Variants in AKT1 observed in about 807,000 individuals in gnomAD.
The protein encoded by AKT1 is RAC-alpha serine/threonine-protein kinase.
Under a neutral mutation model 63.1 loss-of-function variants are expected in AKT1, and 21 were observed. That is an observed-to-expected ratio of 0.33 (90% CI 0.24 to 0.48). The LOEUF (loss-of-function observed/expected upper bound fraction) is 0.48. Among genes scored for constraint, AKT1 ranks in the 20% least tolerant of loss-of-function variants. The pLI, the probability that AKT1 is intolerant of heterozygous loss-of-function variation, is 0.99. For synonymous variants in AKT1, 257 were observed against 253.1 expected (o/e 1.02, Z -0.15); for missense variants, 382 against 666.0 (o/e 0.57, Z 4.69).
At chr14:104,777,241 C>A in intron 4 of AKT1, 1 of 214,874 alleles carries the variant, frequency 4.7e-6, no homozygotes, top group South Asian at 5.0e-5. Flanking sequence ...ACACCCACAC[C>A]TGGGGCACAC....
intron 3 of AKT1, among the ~76,000 whole-genome samples, chr14:104,789,811 G>A (rs973125151): frequency 5.9e-5 from 9 of 152,174 alleles, no homozygotes; most frequent in Non-Finnish European, 7.3e-5. Context: ...TCACCCTCCA[G>A]GAACCATCTC....
chr14:104,772,254 CCTGAG>C lies in AKT1; in HGVS notation c.1260+106_1260+110del, dbSNP rs55839843. The C allele has an allele frequency of 0.35, 421,224 of 1,211,390 alleles. 75,388 individuals are homozygous for C. The highest frequency in any genetic ancestry group is 0.58 in the East Asian group (24,671 of 42,728). 75.0% of individuals were successfully genotyped at this position (1,211,390 alleles called of 1,614,324 possible). On this transcript the variant is annotated intron_variant, in intron 13 of 14. Transcript: ENST00000649815. ...CCTTGTACCAGGACTGCAGCAGGCT[CCTGAG>C]GTGAGGGCGAGTGTGTGGGAAATCT...
At chr14:104,778,884 C>T (rs1246864571) in intron 4 of AKT1, among the ~76,000 whole-genome samples, 1 of 152,192 alleles carries the variant, frequency 6.6e-6, no homozygotes, top group Non-Finnish European at 1.5e-5. Flanking sequence ...TGGTGGGCAC[C>T]TCGCTCTGCA....
At chr14:104,777,821 G>C (rs868677760) in intron 4 of AKT1, 3 of 633,912 alleles carry the variant, frequency 4.7e-6, no homozygotes, top group Non-Finnish European at 5.9e-6. Flanking sequence ...GGGGCCAGGA[G>C]GGGGCTCGGG....
intron 3 of AKT1, among the ~76,000 whole-genome samples, 172 bp downstream of exon 3, chr14:104,792,426 T>C (rs1045032779): frequency 1.3e-5 from 2 of 151,962 alleles, no homozygotes; most frequent in African/African-American, 4.8e-5. Context: ...CCCGAGGCCG[T>C]GCCCTCCATG....
chr14:104,786,828 C>A (rs923117434), intron 3 of AKT1, among the ~76,000 whole-genome samples: 1 of 152,026 alleles, frequency 6.6e-6, no homozygotes, highest in African/African-American at 2.4e-5. Context: ...CGTCTCCGCG[C>A]CCTACACCTG....
Position 104,769,478 on chromosome 14 carries a change from A to T in AKT1, c.*863T>A, listed in dbSNP as rs936673159. 6.0e-6 allele frequency: 3 copies of T among 502,022 alleles called. No individual in the cohort carries two copies. Among genetic ancestry groups the T allele is most frequent in the Non-Finnish European group, 1.1e-5 (3 of 263,222 alleles). 31.1% of individuals were successfully genotyped at this position (502,022 alleles called of 1,614,324 possible). On this transcript the variant is annotated 3_prime_UTR_variant, in exon 15 of 15. Coordinates refer to ENST00000649815, the MANE Select transcript of AKT1 (RefSeq NM_001382430.1). ...GCGGCAGCGGCAGCGTCTGGCCAGG[A>T]GGCGTGGAGGGGCCCAGGGATGGCC...
chr14:104,777,568 C>A, intron 4 of AKT1: 1 of 1,010,866 alleles, frequency 9.9e-7, no homozygotes, highest in Non-Finnish European at 1.2e-6. Flanking sequence ...GGAACACATA[C>A]CTGGGGCACA....
chr14:104,774,112 C>T (rs1331777514), intron 8 of AKT1, 132 bp from the exon 9 acceptor site: 2 of 803,624 alleles, frequency 2.5e-6, no homozygotes, highest in Non-Finnish European at 4.2e-6. Flanking sequence ...ACCACACTGC[C>T]CGACACCACG....
At chr14:104,784,782 T>A (rs1203246918) in intron 3 of AKT1, among the ~76,000 whole-genome samples, 1 of 151,864 alleles carries the variant, frequency 6.6e-6, no homozygotes, top group African/African-American at 2.4e-5. Flanking sequence ...CACTTAGACA[T>A]GGGGGCCAGG....
intron 6 of AKT1, 161 bp downstream of exon 6, chr14:104,775,491 C>G (rs2140920783): frequency 1.8e-6 from 2 of 1,139,816 alleles, no homozygotes; most frequent in South Asian, 3.2e-5. Flanking sequence ...GGAAGAGGAC[C>G]CACCTGGGAA....
At chr14:104,775,855 C>T (rs1266520674) in intron 5 of AKT1, 56 bp from the exon 6 acceptor site, 17 of 1,573,732 alleles carry the variant, frequency 1.1e-5, no homozygotes, top group South Asian at 8.1e-5. Context: ...CTCCACCCCA[C>T]GTCTTTCACC....
At chr14:104,772,280 A>G (rs1456313835) in intron 13 of AKT1, 85 bp downstream of exon 13, 17 of 1,451,576 alleles carry the variant, frequency 1.2e-5, no homozygotes, top group Non-Finnish European at 1.6e-5. Flanking sequence ...GTGTGTGGGA[A>G]ATCTGGCGAG....
At chr14:104,790,498 T>G (rs901584867) in intron 3 of AKT1, among the ~76,000 whole-genome samples, 4 of 152,164 alleles carry the variant, frequency 2.6e-5, no homozygotes, top group African/African-American at 9.7e-5. Context: ...ACAGCACATC[T>G]GCAAGACACA....
rs1191943555 is a variant in AKT1 at position 104,795,731 on chromosome 14, C to G, written c.-505G>C. ...TGCGCTGGGCCAGCCGCCTGCCGCG[C>G]TCGGTCCTGCCGCCGCCGCCGGCCC... On this transcript the variant is annotated 5_prime_UTR_variant, in exon 1 of 15. Transcript: ENST00000649815. The surrounding 1 kb of genome is among the most constrained non-coding windows in gnomAD (Gnocchi z 5.1). 1.4e-5 allele frequency: 2 copies of G among 146,742 alleles called. No individual in the cohort carries two copies. Among genetic ancestry groups the G allele is most frequent in the East Asian group, 2.0e-4 (1 of 5,068 alleles). 9.1% of individuals were successfully genotyped at this position (146,742 alleles called of 1,614,324 possible).
In AKT1 at chr14:104,789,556, G is replaced by A. The variant is rs118132431; in HGVS notation, c.46+3042C>T. On this transcript the variant is annotated intron_variant, in intron 3 of 14. Transcript: ENST00000649815. ...GGAGGCCGAGTTCAGCCAGACCTGC[G>A]CCCTGGCCCAGGATTGATTTTTTAA... is the stretch of plus-strand genomic sequence containing the variant. Among the ~76,000 whole-genome samples the A allele has an allele frequency of 3.6e-3, 545 of 152,356 alleles. 7 individuals carry two copies. Among genetic ancestry groups the A allele is most frequent in the South Asian group, 0.032 (156 of 4,828 alleles).
chr14:104,782,932 C>A (rs942357755), intron 3 of AKT1, among the ~76,000 whole-genome samples: 1 of 152,136 alleles, frequency 6.6e-6, no homozygotes, highest in African/African-American at 2.4e-5. Flanking sequence ...CGCATCTTAA[C>A]GAGTTCAGCC....
intron 3 of AKT1, among the ~76,000 whole-genome samples, chr14:104,781,141 G>GA (rs982824321): frequency 1.3e-5 from 2 of 151,950 alleles, no homozygotes; most frequent in African/African-American, 2.4e-5. Context: ...CTGACACTCG[G>GA]AAAAAAATGT....
At chr14:104,794,419 C>G (rs1893785064) in intron 1 of AKT1, 1 of 152,270 alleles carries the variant, frequency 6.6e-6, no homozygotes, top group South Asian at 2.1e-4. Flanking sequence ...TACGTCTGCA[C>G]AGAAACGTAT....
Sources: gnomAD v4.1 joint callset for allele counts (sites outside exome capture counted in the v4.1 genomes callset) on GRCh38, gnomAD v4.1.1 for gene constraint, Gnocchi (gnomAD v3.1) non-coding constraint, MANE v1.5 for transcripts, NCBI Gene and HGNC (gene_info 2026-07-23, HGNC 2026-07-21) for gene names.